The following MGRN1 variants were observed in gnomAD, a reference collection of about 807,000 sequenced individuals.
MGRN1 encodes E3 ubiquitin-protein ligase MGRN1.
Under a neutral mutation model 69.2 loss-of-function variants are expected in MGRN1, and 29 were observed. The ratio of observed to expected loss-of-function variants is 0.42; its 90% CI spans 0.31 to 0.57. The LOEUF (loss-of-function observed/expected upper bound fraction) is 0.57, where lower values mean the gene tolerates loss of function less well. MGRN1 is among the 20% of genes least tolerant of loss of function. MGRN1 has a pLI of 0.15. For missense variants in MGRN1, 998 were observed against 796.2 expected (o/e 1.25, Z -3.05); for synonymous variants, 470 against 344.2 (o/e 1.37, Z -4.04).
At position 4,689,128 on chromosome 16, in the gene MGRN1, G is replaced by A. The variant is rs746935629; in HGVS notation, c.*220G>A. 197 of 592,880 alleles carry A rather than the reference G, an allele frequency of 3.3e-4. No homozygotes were observed. The highest frequency in any genetic ancestry group is 2.9e-3 in the Middle Eastern group (6 of 2,042). 36.7% of individuals were successfully genotyped at this position (592,880 alleles called of 1,614,324 possible). On this transcript the variant is annotated 3_prime_UTR_variant, in exon 17 of 17. Coordinates refer to ENST00000262370, the MANE Select transcript of MGRN1 (RefSeq NM_015246.4). ...TATTTGTAACTGGTACAAGATGAAG[G>A]ACAGCAGCTTTCCATCCCTAGTTCA...
chr16:4,686,278 C>G, intron 16 of MGRN1: 1 of 1,544,920 alleles, frequency 6.5e-7, no homozygotes, highest in Non-Finnish European at 8.7e-7. Flanking sequence ...CCGACTCCTG[C>G]TCTGTTGGTA....
chr16:4,677,611 G>C (rs1472143750), intron 11 of MGRN1, 39 bp downstream of exon 11: 1 of 1,579,222 alleles, frequency 6.3e-7, no homozygotes, highest in Non-Finnish European at 8.6e-7. Flanking sequence ...GGCGGGAGAG[G>C]GGCATGAGTG....
rs376285637 is a variant in MGRN1, at chr16:4,632,802, G to A, written c.88+7754G>A. ...AGTGGCCATGAAACAGTCACTCACG[G>A]CCAGGCGTGGTGGCTCACATTTGTA... On this transcript the variant is annotated intron_variant, in intron 1 of 16. Transcript: ENST00000262370. Among the ~76,000 whole-genome samples, 134 of 152,274 alleles carry A rather than the reference G, an allele frequency of 8.8e-4. 1 individual carries two copies. The highest frequency in any genetic ancestry group is 3.0e-3 in the African/African-American group (125 of 41,562).
At chr16:4,683,546 T>G (rs1271372219) in intron 15 of MGRN1, among the ~76,000 whole-genome samples, 4 of 129,342 alleles carry the variant, frequency 3.1e-5, no homozygotes, top group Non-Finnish European at 6.9e-5. Context: ...GCGTGTAATG[T>G]TTCTATGACC....
intron 1 of MGRN1, chr16:4,640,119 A>C (rs1366627729): frequency 6.6e-6 from 1 of 152,294 alleles, no homozygotes; most frequent in Non-Finnish European, 1.5e-5. Context: ...CCTCTCGCAG[A>C]TGTCTGGTGG....
At chr16:4,685,876 A>T (rs2079301131) in intron 16 of MGRN1, among the ~76,000 whole-genome samples, 1 of 152,164 alleles carries the variant, frequency 6.6e-6, no homozygotes, top group Admixed American at 6.5e-5. Context: ...AGGGCCCATG[A>T]GATGGTGAAC....
chr16:4,639,588 C>A (rs1193304428), intron 1 of MGRN1, among the ~76,000 whole-genome samples: 1 of 152,170 alleles, frequency 6.6e-6, no homozygotes, highest in Non-Finnish European at 1.5e-5. Flanking sequence ...CATCCTGTCC[C>A]CAGATGCACA....
chr16:4,650,659 G>T (rs145863053), intron 2 of MGRN1, 176 bp downstream of exon 2: 19 of 509,158 alleles, frequency 3.7e-5, no homozygotes, highest in Admixed American at 3.5e-4. Context: ...AATGGGTTGT[G>T]TCCTGGTGCT....
At chr16:4,660,912 G>A (rs930269455) in intron 5 of MGRN1, among the ~76,000 whole-genome samples, 12 of 152,218 alleles carry the variant, frequency 7.9e-5, no homozygotes, top group Admixed American at 3.9e-4. Flanking sequence ...TCCCTCAGAC[G>A]GCTGGGAGCT....
chr16:4,625,939 T>C (rs1052534885), intron 1 of MGRN1, among the ~76,000 whole-genome samples: 1 of 152,210 alleles, frequency 6.6e-6, no homozygotes, highest in African/African-American at 2.4e-5. Context: ...ATCTGATGTC[T>C]CAGTCTCCTG....
At chr16:4,655,846 A>G (rs2078525083) in intron 4 of MGRN1, among the ~76,000 whole-genome samples, 1 of 152,242 alleles carries the variant, frequency 6.6e-6, no homozygotes, top group South Asian at 2.1e-4. Flanking sequence ...ACTGAGGCTC[A>G]GACAGAGGGG....
At chr16:4,678,143 AC>A (rs2079094511) in intron 11 of MGRN1, among the ~76,000 whole-genome samples, 1 of 151,646 alleles carries the variant, frequency 6.6e-6, no homozygotes, top group Non-Finnish European at 1.5e-5. Context: ...CACCGCCTCC[AC>A]CCCGTGGTTC....
chr16:4,666,822 C>T (rs116402662), intron 7 of MGRN1, among the ~76,000 whole-genome samples: 1 of 152,350 alleles, frequency 6.6e-6, no homozygotes, highest in African/African-American at 2.4e-5. Context: ...ACGAGGGCAG[C>T]ACTGTCCTCT....
At chr16:4,641,939 GC>G (rs2141851905) in intron 1 of MGRN1, among the ~76,000 whole-genome samples, 1 of 152,094 alleles carries the variant, frequency 6.6e-6, no homozygotes, top group East Asian at 1.9e-4. Flanking sequence ...ATAGGCGTGA[GC>G]CCCCTCGGCT....
At chr16:4,646,843 G>C (rs928336720) in intron 1 of MGRN1, among the ~76,000 whole-genome samples, 4 of 152,218 alleles carry the variant, frequency 2.6e-5, no homozygotes, top group Non-Finnish European at 5.9e-5. Flanking sequence ...CCTGGGAGGA[G>C]GTTGGAGCAG....
In MGRN1 at chr16:4,682,806, C is replaced by T. The variant is rs538233282; in HGVS notation, c.1359-17C>T. 2.0e-6 allele frequency: 3 copies of T among 1,535,764 alleles called. No individual in the cohort carries two copies. The highest frequency in any genetic ancestry group is 2.4e-5 in the South Asian group (2 of 82,104). ...CGTTATCCTCTCACCCCTGCCCACC[C>T]TCTCCTCTGTCCCCAGCACCCTACG... is the stretch of plus-strand genomic sequence containing the variant. On this transcript the variant is annotated splice_polypyrimidine_tract_variant and intron_variant, in intron 13 of 16. Transcript: ENST00000262370.
chr16:4,682,766 G>A (rs1023237062), intron 13 of MGRN1, 57 bp from the exon 14 acceptor site: 17 of 1,461,128 alleles, frequency 1.2e-5, no homozygotes, highest in Non-Finnish European at 1.5e-5. Flanking sequence ...CTTTGGCAGG[G>A]TTAGCCTTCC....
At chr16:4,668,699 CACAT>C (rs1448996090) in intron 8 of MGRN1, among the ~76,000 whole-genome samples, 19 of 146,756 alleles carry the variant, frequency 1.3e-4, no homozygotes, top group African/African-American at 3.6e-4. Flanking sequence ...TACACATACA[CACAT>C]ACACTCACAC....
At chr16:4,667,339 G>C (rs114478317) in intron 7 of MGRN1, among the ~76,000 whole-genome samples, 5,014 of 152,294 alleles carry the variant, frequency 0.033, 133 homozygotes, top group African/African-American at 0.066. Context: ...GGCTGGGTCT[G>C]TTCTCTCCCG....
Sources: allele counts gnomAD v4.1 joint callset (sites outside exome capture counted in the v4.1 genomes callset), GRCh38; gene constraint gnomAD v4.1.1; transcripts MANE v1.5; gene names NCBI Gene and HGNC (gene_info 2026-07-23, HGNC 2026-07-21).